Variants in SDK1 observed in about 807,000 individuals in gnomAD.
SDK1 encodes protein sidekick-1.
A neutral mutation model predicts 245.5 loss-of-function variants in SDK1; 157 were observed. That is an observed-to-expected ratio of 0.64 (90% CI 0.56 to 0.73). SDK1 has a LOEUF of 0.73. Among genes scored for constraint, SDK1 ranks in the 30% least tolerant of loss-of-function variants. The probability of loss-of-function intolerance (pLI) is 0.00; values close to 1 mark genes in which losing one functional copy is unlikely to be tolerated. For synonymous variants in SDK1, 1,647 were observed against 1,278.5 expected (o/e 1.29, Z -6.15); for missense variants, 3,583 against 3,002.3 (o/e 1.19, Z -4.52).
chr7:4,228,106 T>A (rs561998635), intron 40 of SDK1, among the ~76,000 whole-genome samples: 1 of 152,370 alleles, frequency 6.6e-6, no homozygotes, highest in East Asian at 1.9e-4. Context: ...AATGGGAAGC[T>A]GAACTGGCTC....
intron 32 of SDK1, among the ~76,000 whole-genome samples, chr7:4,164,787 T>C (rs1449303735): frequency 6.6e-6 from 1 of 152,186 alleles, no homozygotes; most frequent in Non-Finnish European, 1.5e-5. Context: ...TAGTGCCACC[T>C]GGAGGAGCTG....
chr7:4,080,342 G>A lies in SDK1; in HGVS notation c.3324+758G>A, dbSNP rs542121285. 4.2e-4 allele frequency among the ~76,000 whole-genome samples: 64 copies of A among 152,260 alleles called. 1 individual carries two copies. In the South Asian group the frequency reaches 8.7e-3, roughly 21 times the overall value. On this transcript the variant is annotated intron_variant, in intron 22 of 44. Coordinates refer to ENST00000404826, the MANE Select transcript of SDK1 (RefSeq NM_152744.4). ...GGATCATGCTGGCATTGGTGAAGCC[G>A]TGCAATCTGCCACTTCCATGTTCCA...
rs115198670 is a variant in SDK1, at chr7:3,527,869, A to G, written c.299-91211A>G. On this transcript the variant is annotated intron_variant, in intron 1 of 44. Coordinates refer to ENST00000404826, the MANE Select transcript of SDK1 (RefSeq NM_152744.4). The stretch of plus-strand genomic sequence containing the variant: ...GAGTGGTGGGAGGTGAGGCTGGATG[A>G]TAGTCAGCTAGAGAGTGAATGGTAG... 2.2e-3 allele frequency among the ~76,000 whole-genome samples: 320 copies of G among 144,578 alleles called. 4 individuals carry two copies. The highest frequency in any genetic ancestry group is 7.9e-3 in the African/African-American group (308 of 38,866). 94.8% of individuals were successfully genotyped at this position (144,578 alleles called of 152,430 possible). A position where few individuals can be genotyped will look rare whatever the true frequency, so the allele number is the denominator to read the frequency against.
chr7:3,675,925 T>C (rs966898258), intron 4 of SDK1, among the ~76,000 whole-genome samples: 1 of 152,226 alleles, frequency 6.6e-6, no homozygotes, highest in Admixed American at 6.5e-5. Flanking sequence ...ACGTTCCTTA[T>C]ATGTTCTGAA....
At chr7:3,839,815 T>C (rs1780114037) in intron 5 of SDK1, among the ~76,000 whole-genome samples, 1 of 152,220 alleles carries the variant, frequency 6.6e-6, no homozygotes, top group Admixed American at 6.5e-5. Context: ...AACCAGTTTT[T>C]TTAACATTTA....
intron 1 of SDK1, among the ~76,000 whole-genome samples, chr7:3,465,221 C>A (rs1330233876): frequency 2.0e-5 from 3 of 152,238 alleles, no homozygotes; most frequent in African/African-American, 7.2e-5. Flanking sequence ...TCTCTGGATT[C>A]TGGGCTCAAG....
chr7:3,434,076 A>T (rs1779947207), intron 1 of SDK1, among the ~76,000 whole-genome samples: 2 of 152,176 alleles, frequency 1.3e-5, no homozygotes, highest in Admixed American at 1.3e-4. Context: ...AATGAAACAG[A>T]AACAAGGCAA....
chr7:3,821,507 G>T lies in SDK1; in HGVS notation c.771G>T (p.Gly257=). ...TCGCCACCACAACCAGTGATGCCGG[G>T]GCATACTACGTGCAGGCCGTGAATG... is the stretch of plus-strand genomic sequence containing the variant. ...VILATTTSDA[G]AYYVQAVNEK... is the part of the protein sequence containing the mutation. Residue 257 remains glycine, a synonymous_variant, in exon 5 of 45, where the codon GGG becomes GGT. Coordinates refer to ENST00000404826, the MANE Select transcript of SDK1 (RefSeq NM_152744.4). The T allele has an allele frequency of 6.2e-7, 1 of 1,613,790 alleles. No homozygotes were observed. The highest frequency in any genetic ancestry group is 1.7e-5 in the Admixed American group (1 of 59,984).
At chr7:3,702,142 G>A (rs372429451) in intron 4 of SDK1, among the ~76,000 whole-genome samples, 174 of 152,164 alleles carry the variant, frequency 1.1e-3, no homozygotes, top group African/African-American at 3.7e-3. Flanking sequence ...CAATAAGTTG[G>A]AATTCATTAA....
chr7:3,598,298 A>G (rs986807105), intron 1 of SDK1, among the ~76,000 whole-genome samples: 9 of 152,220 alleles, frequency 5.9e-5, no homozygotes, highest in Admixed American at 3.9e-4. Flanking sequence ...CTCTGGATAT[A>G]AATTCTTGCA....
chr7:3,512,049 G>A (rs1368610326), intron 1 of SDK1, among the ~76,000 whole-genome samples: 1 of 151,518 alleles, frequency 6.6e-6, no homozygotes, highest in Non-Finnish European at 1.5e-5. Flanking sequence ...TTTATGAGGT[G>A]TGTATTCATC....
chr7:4,089,008 TTGTGGGCATCTGCACAATGAGG>T (rs1781611855), intron 22 of SDK1, among the ~76,000 whole-genome samples: 1 of 151,088 alleles, frequency 6.6e-6, no homozygotes, highest in Non-Finnish European at 1.5e-5. Context: ...GGTGAGACCC[TTGTGGGCATCTGCACAATGAGG>T]CCCCTCAGAT....
At chr7:3,685,918 G>A (rs924471893) in intron 4 of SDK1, among the ~76,000 whole-genome samples, 3 of 151,956 alleles carry the variant, frequency 2.0e-5, no homozygotes, top group East Asian at 3.9e-4. Flanking sequence ...TATGTTAAAT[G>A]TAACAGATCT....
intron 1 of SDK1, among the ~76,000 whole-genome samples, chr7:3,514,311 AT>A (rs1273931296): frequency 7.2e-5 from 11 of 152,308 alleles, no homozygotes; most frequent in African/African-American, 2.6e-4. Flanking sequence ...TTATGTGTGA[AT>A]TTGTGTTTTC....
intron 37 of SDK1, among the ~76,000 whole-genome samples, chr7:4,209,804 T>C (rs1462711984): frequency 1.3e-5 from 2 of 152,230 alleles, no homozygotes; most frequent in East Asian, 3.9e-4. Context: ...GTTTAAACAC[T>C]GTCATTTTCT....
intron 38 of SDK1, among the ~76,000 whole-genome samples, chr7:4,211,621 T>C (rs188961847): frequency 1.4e-3 from 207 of 152,218 alleles, no homozygotes; most frequent in African/African-American, 4.8e-3. Flanking sequence ...TTGTTTCTGT[T>C]TTTTTTGAGA....
intron 4 of SDK1, among the ~76,000 whole-genome samples, chr7:3,703,275 C>G (rs930452277): frequency 2.0e-5 from 3 of 152,054 alleles, no homozygotes; most frequent in Non-Finnish European, 4.4e-5. Flanking sequence ...TAGAACACTA[C>G]TCTGCATCAT....
chr7:4,204,635 A>G (rs576880430), intron 35 of SDK1, among the ~76,000 whole-genome samples: 4 of 152,210 alleles, frequency 2.6e-5, no homozygotes, highest in African/African-American at 7.2e-5. Flanking sequence ...CGACTGTTTT[A>G]TCGTCTCCAT....
intron 1 of SDK1, among the ~76,000 whole-genome samples, chr7:3,596,726 A>C (rs1435205705): frequency 6.6e-6 from 1 of 152,244 alleles, no homozygotes; most frequent in Non-Finnish European, 1.5e-5. Context: ...CTTCAGACAA[A>C]GGAAATTTAG....
Sources: allele counts gnomAD v4.1 joint callset (sites outside exome capture counted in the v4.1 genomes callset), GRCh38; gene constraint gnomAD v4.1.1; transcripts MANE v1.5; gene names NCBI Gene and HGNC (gene_info 2026-07-23, HGNC 2026-07-21).